The following ANGPT1 variants were observed in gnomAD, a reference collection of about 807,000 sequenced individuals.
ANGPT1 encodes the protein angiopoietin 1.
Under a neutral mutation model 62.2 loss-of-function variants are expected in ANGPT1, and 17 were observed. That is an observed-to-expected ratio of 0.27 (90% CI 0.19 to 0.41). ANGPT1 has a LOEUF of 0.41. Among genes scored for constraint, ANGPT1 ranks in the 10% least tolerant of loss-of-function variants. ANGPT1 has a pLI of 1.00. For missense variants in ANGPT1, 478 were observed against 594.9 expected, an observed-to-expected ratio of 0.80 and a Z score of 2.04; for synonymous variants, 199 against 198.9, an observed-to-expected ratio of 1.00 and a Z score of 0.00.
chr8:107,359,867 C>A (rs543557558), intron 1 of ANGPT1, among the ~76,000 whole-genome samples: 8 of 152,120 alleles, frequency 5.3e-5, no homozygotes. Context: ...GGTTGGTTTT[C>A]TCCTTTCTTT....
chr8:107,298,635 AT>A (rs202002723), intron 5 of ANGPT1, among the ~76,000 whole-genome samples: 4 of 150,946 alleles, frequency 2.6e-5, no homozygotes, highest in African/African-American at 9.7e-5. Context: ...TTTCAAAGAC[AT>A]TTTTTTTTGG....
In ANGPT1 at chr8:107,386,625, G is replaced by A. The variant is rs191623509; in HGVS notation, c.298-39528C>T. Among the ~76,000 whole-genome samples the A allele has an allele frequency of 4.6e-5, 7 of 152,180 alleles. No individual in the cohort carries two copies. The East Asian group carries it at 1.4e-3, about 29-fold the overall frequency. Reference sequence around the variant, plus strand: ...AGAACGATGACTCTGGAGTCAGCTTGCCTGGAGTTGAATCTTACTCAAACA... The same window carrying A: ...AGAACGATGACTCTGGAGTCAGCTTACCTGGAGTTGAATCTTACTCAAACA... On this transcript the variant is annotated intron_variant, in intron 1 of 8. Coordinates refer to ENST00000517746, the MANE Select transcript of ANGPT1 (RefSeq NM_001146.5).
chr8:107,259,158 ATCT>A (rs1443098854), intron 8 of ANGPT1, among the ~76,000 whole-genome samples: 3 of 152,164 alleles, frequency 2.0e-5, no homozygotes, highest in East Asian at 1.9e-4. Context: ...AGTCATATGG[ATCT>A]TCTTTTCTCT....
At position 107,279,329 on chromosome 8, in the gene ANGPT1, T is replaced by C. The variant is rs578048408; in HGVS notation, c.1205+5353A>G. On this transcript the variant is annotated intron_variant, in intron 7 of 8. Transcript: ENST00000517746. The stretch of plus-strand genomic sequence containing the variant: ...TTACAAATACTTTAACTTGTAAGAA[T>C]AGAAAATTGAGAACTGGAAAGATAG... 3.1e-4 allele frequency among the ~76,000 whole-genome samples: 47 copies of C among 152,282 alleles called. No individual in the cohort carries two copies. The South Asian group carries it at 9.8e-3, about 32-fold the overall frequency.
At chr8:107,353,130 C>T (rs185248114) in intron 1 of ANGPT1, among the ~76,000 whole-genome samples, 248 of 152,192 alleles carry the variant, frequency 1.6e-3, no homozygotes, top group Non-Finnish European at 3.1e-3. Flanking sequence ...GATATACATG[C>T]CATGGATCCC....
chr8:107,471,999 ATG>A (rs1364973268), intron 1 of ANGPT1, among the ~76,000 whole-genome samples: 1 of 151,988 alleles, frequency 6.6e-6, no homozygotes. Context: ...TTTACTTATT[ATG>A]TCTCTTTAGG....
intron 1 of ANGPT1, among the ~76,000 whole-genome samples, chr8:107,361,850 G>C (rs192101476): frequency 2.6e-5 from 4 of 152,014 alleles, no homozygotes; most frequent in African/African-American, 9.7e-5. Context: ...CCTGAGGTCA[G>C]GAGTTCAAGA....
At chr8:107,368,886 A>G (rs1051836891) in intron 1 of ANGPT1, among the ~76,000 whole-genome samples, 2 of 149,256 alleles carry the variant, frequency 1.3e-5, no homozygotes, top group African/African-American at 2.5e-5. Context: ...TATTCCTTAT[A>G]CTTATTTCTT....
At chr8:107,333,972 AGGAG>A (rs879268580) in intron 3 of ANGPT1, among the ~76,000 whole-genome samples, 1,696 of 89,704 alleles carry the variant, frequency 0.019, 42 homozygotes, top group South Asian at 0.05. Flanking sequence ...AAAGAAAGAA[AGGAG>A]GGAGGGAGGG....
chr8:107,352,430 T>C (rs977441795), intron 1 of ANGPT1, among the ~76,000 whole-genome samples: 1 of 152,104 alleles, frequency 6.6e-6, no homozygotes, highest in African/African-American at 2.4e-5. Context: ...CCCCTGTCTT[T>C]TGCCCAATGA....
chr8:107,326,756 T>C (rs1333567339), intron 3 of ANGPT1, among the ~76,000 whole-genome samples: 3 of 152,176 alleles, frequency 2.0e-5, no homozygotes, highest in African/African-American at 7.2e-5. Flanking sequence ...TAAAGCAATA[T>C]AGTAACATAG....
intron 4 of ANGPT1, among the ~76,000 whole-genome samples, chr8:107,312,552 G>C (rs1814900231): frequency 6.6e-6 from 1 of 152,184 alleles, no homozygotes; most frequent in Non-Finnish European, 1.5e-5. Context: ...AATAAGTCCT[G>C]ACTGTCACCA....
rs1329381875 is a variant in ANGPT1 at position 107,329,096 on chromosome 8, G to C, written c.576-6968C>G. Among the ~76,000 whole-genome samples, 6 of 152,072 alleles carry C rather than the reference G, an allele frequency of 3.9e-5. No individual in the cohort carries two copies. The South Asian group carries it at 1.2e-3, about 32-fold the overall frequency. On this transcript the variant is annotated intron_variant, in intron 3 of 8. Transcript: ENST00000517746. ...ATGATAAAATAATCTACACATATAT[G>C]CACATATCATATAAACAAGTACTTG...
intron 1 of ANGPT1, among the ~76,000 whole-genome samples, chr8:107,485,670 T>C (rs1812796107): frequency 6.6e-6 from 1 of 152,226 alleles, no homozygotes; most frequent in Non-Finnish European, 1.5e-5. Context: ...AAACAAGGTT[T>C]TTCTTCTCAT....
At position 107,497,385 on chromosome 8, in the gene ANGPT1, C is replaced by G. The variant is rs373049538; in HGVS notation, c.174G>C (p.Thr58=). Residue 58 remains threonine, a synonymous_variant, in exon 1 of 9, where the codon ACG becomes ACC. Transcript: ENST00000517746. Reference sequence around the variant, plus strand: ...GAGCGTTTGTGTTGTACTGGTCTGTCGTACTCTCACGACAGTTGCCATCGT... The same window carrying G: ...GAGCGTTTGTGTTGTACTGGTCTGTGGTACTCTCACGACAGTTGCCATCGT... ...PEHDGNCRES[T]TDQYNTNALQ... The G allele has an allele frequency of 6.2e-7, 1 of 1,614,156 alleles. No individual in the cohort carries two copies. Among genetic ancestry groups the G allele is most frequent in the Non-Finnish European group, 8.5e-7 (1 of 1,180,036 alleles).
rs1478715873 is a variant in ANGPT1 at position 107,347,069 on chromosome 8, T to C, written c.326A>G (p.Lys109Arg). The change falls in exon 2 of 9, where the codon AAG becomes AGG. Residue 109 changes from lysine to arginine, a missense_variant. Lys to Arg is a conservative substitution (Grantham distance 26). Transcript: ENST00000517746. ...KLENYIVENMKSEMAQIQQNA... is the reference protein window; with the variant it reads ...KLENYIVENMRSEMAQIQQNA... ...CTGCTGTATCTGGGCCATCTCCGAC[T>C]TCATGTTTTCCACAATGTAATTCTC... The C allele has an allele frequency of 6.2e-7, 1 of 1,613,558 alleles. No individual in the cohort carries two copies. The highest frequency in any genetic ancestry group is 8.5e-7 in the Non-Finnish European group (1 of 1,179,656).
Position 107,309,244 on chromosome 8 carries a change from G to A in ANGPT1, c.809-5877C>T, listed in dbSNP as rs144227236. 3.2e-3 allele frequency among the ~76,000 whole-genome samples: 487 copies of A among 152,282 alleles called. 4 individuals carry two copies. The highest frequency in any genetic ancestry group is 5.2e-3 in the Non-Finnish European group (354 of 68,012). On this transcript the variant is annotated intron_variant, in intron 4 of 8. Coordinates refer to ENST00000517746, the MANE Select transcript of ANGPT1 (RefSeq NM_001146.5). ...GTATTTACCGAACATCAGAATACAT[G>A]TGGATCAGGTTATTTGTTCAAGGAT...
At chr8:107,328,652 T>C (rs992632289) in intron 3 of ANGPT1, among the ~76,000 whole-genome samples, 19 of 151,898 alleles carry the variant, frequency 1.3e-4, no homozygotes, top group African/African-American at 4.3e-4. Flanking sequence ...ATGTTAAACA[T>C]ACGTAAATAG....
chr8:107,481,532 C>CAAAAAAAAAAAAAAAAAAAAAAAA, intron 1 of ANGPT1, among the ~76,000 whole-genome samples: 1 of 64,316 alleles, frequency 1.6e-5, no homozygotes, highest in South Asian at 7.4e-4. Flanking sequence ...GACTCTGTCT[C>CAAAAAAAAAAAAAAAAAAAAAAAA]AAAAAAAAAA....
Sources: gnomAD v4.1 joint callset for allele counts (sites outside exome capture counted in the v4.1 genomes callset) on GRCh38, gnomAD v4.1.1 for gene constraint, MANE v1.5 for transcripts, NCBI Gene and HGNC (gene_info 2026-07-23, HGNC 2026-07-21) for gene names.